The following UBXN2B variants were observed in gnomAD, a reference collection of about 807,000 sequenced individuals.
UBXN2B encodes UBX domain protein 2B, also known as UBX domain-containing protein 2B.
UBXN2B carries 19 observed loss-of-function variants against 37.5 expected under a neutral mutation model. That is an observed-to-expected ratio of 0.51 (90% confidence interval 0.35 to 0.74). The LOEUF is 0.74. UBXN2B is among the 30% of genes least tolerant of loss of function. The pLI is 0.01. For synonymous variants in UBXN2B, 145 were observed against 143.8 expected (o/e 1.01, Z -0.06); for missense variants, 370 against 393.2 (o/e 0.94, Z 0.50).
chr8:58,433,265 A>G, intron 4 of UBXN2B, 22 bp downstream of exon 4: 1 of 1,560,340 alleles, frequency 6.4e-7, no homozygotes, highest in Non-Finnish European at 8.8e-7. Flanking sequence ...AATCAAAATG[A>G]AAAAGTATAA....
intron 6 of UBXN2B, among the ~76,000 whole-genome samples, chr8:58,441,682 A>G (rs1159534219): frequency 1.3e-5 from 2 of 152,126 alleles, no homozygotes; most frequent in Non-Finnish European, 2.9e-5. Flanking sequence ...GAAAATAACG[A>G]TATTATCTGA....
intron 5 of UBXN2B, among the ~76,000 whole-genome samples, chr8:58,437,502 A>G (rs756637832): frequency 4.6e-5 from 7 of 151,188 alleles, no homozygotes; most frequent in Non-Finnish European, 1.0e-4. Context: ...TAATTTTTGT[A>G]TTTAGTAGAG....
rs111632899 is a variant in UBXN2B at position 58,420,971 on chromosome 8, C to A, written c.188+4018C>A. On this transcript the variant is annotated intron_variant, in intron 2 of 7. Transcript: ENST00000399598. The stretch of plus-strand genomic sequence containing the variant: ...TATATGTAAAACTTGATTCCCCCAA[C>A]AACATACAGAAAATAAAAACTGCAC... Among the ~76,000 whole-genome samples, 1,365 of 152,276 alleles carry A rather than the reference C, an allele frequency of 9.0e-3. 12 individuals carry two copies. The highest frequency in any genetic ancestry group is 0.012 in the Non-Finnish European group (807 of 68,004).
At chr8:58,446,778 C>CTTTT (rs1585622637) in intron 7 of UBXN2B, among the ~76,000 whole-genome samples, 6 of 14,968 alleles carry the variant, frequency 4.0e-4, no homozygotes, top group African/African-American at 5.3e-4. Flanking sequence ...GTACAACCTG[C>CTTTT]ATTTTTTTTT....
chr8:58,447,295 T>C, intron 7 of UBXN2B, 94 bp from the exon 8 acceptor site: 1 of 1,202,828 alleles, frequency 8.3e-7, no homozygotes, highest in Non-Finnish European at 1.1e-6. Flanking sequence ...TATATAAAGA[T>C]TAAAATTTTG....
At chr8:58,445,308 A>G (rs1191213034) in intron 6 of UBXN2B, among the ~76,000 whole-genome samples, 1 of 152,176 alleles carries the variant, frequency 6.6e-6, no homozygotes, top group Non-Finnish European at 1.5e-5. Flanking sequence ...TTATTCCTCA[A>G]TGGTACTTAG....
Position 58,448,516 on chromosome 8 carries a change from A to G in UBXN2B, c.*965A>G, listed in dbSNP as rs1169313003. 6.6e-6 allele frequency: 1 copy of G among 152,202 alleles called. No individual in the cohort carries two copies. The highest frequency in any genetic ancestry group is 6.5e-5 in the Admixed American group (1 of 15,270). 9.4% of individuals were successfully genotyped at this position (152,202 alleles called of 1,614,324 possible). Reference sequence around the variant, plus strand: ...TAAGAAGATATGGTAAACAGCAACAATATTTTAAAATCAAGTAATTACAGT... The same window carrying G: ...TAAGAAGATATGGTAAACAGCAACAGTATTTTAAAATCAAGTAATTACAGT... On this transcript the variant is annotated 3_prime_UTR_variant, in exon 8 of 8. Coordinates refer to ENST00000399598, the MANE Select transcript of UBXN2B (RefSeq NM_001077619.2).
At chr8:58,422,010 A>C (rs529592645) in intron 2 of UBXN2B, among the ~76,000 whole-genome samples, 43 of 152,268 alleles carry the variant, frequency 2.8e-4, no homozygotes, top group African/African-American at 1.0e-3. Flanking sequence ...TGTGCTGGTG[A>C]AAGACTTTAC....
intron 1 of UBXN2B, among the ~76,000 whole-genome samples, chr8:58,413,939 G>A (rs371020425): frequency 2.0e-5 from 3 of 152,050 alleles, no homozygotes; most frequent in Admixed American, 6.6e-5. Context: ...CCCTCAGCCC[G>A]CCACACACAT....
chr8:58,425,912 C>T (rs1351642553), intron 2 of UBXN2B: 13 of 1,226,764 alleles, frequency 1.1e-5, no homozygotes, highest in East Asian at 4.7e-5. Flanking sequence ...ATCACTGGTG[C>T]GCACAGAGAG....
chr8:58,435,042 A>G, intron 5 of UBXN2B: 5 of 1,465,048 alleles, frequency 3.4e-6, no homozygotes, highest in African/African-American at 2.8e-5. Context: ...TCTTCTTGCT[A>G]AAGGATGAGG....
chr8:58,437,955 C>CT (rs1401643441), intron 5 of UBXN2B, among the ~76,000 whole-genome samples: 1 of 151,396 alleles, frequency 6.6e-6, no homozygotes, highest in Non-Finnish European at 1.5e-5. Flanking sequence ...AGGCAGCCCC[C>CT]CCCCCAACCC....
rs1253485491 is a variant in UBXN2B at position 58,448,722 on chromosome 8, C to T, written c.*1171C>T. 1 of 152,502 alleles carries T rather than the reference C, an allele frequency of 6.6e-6. No homozygotes were observed. Among genetic ancestry groups the T allele is most frequent in the South Asian group, 2.1e-4 (1 of 4,818 alleles). 9.4% of individuals were successfully genotyped at this position (152,502 alleles called of 1,614,324 possible). On this transcript the variant is annotated 3_prime_UTR_variant, in exon 8 of 8. Transcript: ENST00000399598. ...CAGACGGACTAGATCTAAAGAATTA[C>T]CAGCATAAATGTTTGCATTTCTGCT...
At chr8:58,418,502 TA>T (rs1396997109) in intron 2 of UBXN2B, among the ~76,000 whole-genome samples, 1 of 152,224 alleles carries the variant, frequency 6.6e-6, no homozygotes, top group Middle Eastern at 3.2e-3. Flanking sequence ...AGATGTCTTA[TA>T]AAATGTCTAA....
intron 4 of UBXN2B, among the ~76,000 whole-genome samples, chr8:58,433,600 C>A (rs1366690324): frequency 6.8e-6 from 1 of 147,098 alleles, no homozygotes; most frequent in African/African-American, 2.5e-5. Context: ...CATAGCCAGA[C>A]CCTATCTCTT....
At chr8:58,428,197 A>G (rs933231692) in intron 2 of UBXN2B, among the ~76,000 whole-genome samples, 10 of 152,316 alleles carry the variant, frequency 6.6e-5, no homozygotes, top group Admixed American at 2.6e-4. Flanking sequence ...CACGGGAAAG[A>G]TGGGTACCAG....
Position 58,446,779 on chromosome 8 carries a change from A to ATTTTTTTTTTTTTTTTTTTTTTTTT in UBXN2B, c.834-598_834-574dup, listed in dbSNP as rs869090698. On this transcript the variant is annotated intron_variant, in intron 7 of 7. Transcript: ENST00000399598. ...ATACTCCGAAAAAAGTACAACCTGC[A>ATTTTTTTTTTTTTTTTTTTTTTTTT]TTTTTTTTTTTTTTTTTTTTTTTTT... Among the ~76,000 whole-genome samples, 40 of 17,402 alleles carry ATTTTTTTTTTTTTTTTTTTTTTTTT rather than the reference A, an allele frequency of 2.3e-3. 18 individuals carry two copies. The highest frequency in any genetic ancestry group is 4.0e-3 in the East Asian group (2 of 496). 11.4% of individuals were successfully genotyped at this position (17,402 alleles called of 152,430 possible). A position where few individuals can be genotyped will look rare whatever the true frequency, so the allele number is the denominator to read the frequency against.
chr8:58,430,014 T>TA (rs1399189449), intron 2 of UBXN2B, among the ~76,000 whole-genome samples: 17 of 152,118 alleles, frequency 1.1e-4, no homozygotes, highest in Admixed American at 7.2e-4. Context: ...TTTAAGGGAG[T>TA]AGGTCTCTTA....
chr8:58,428,813 G>A (rs1255445931), intron 2 of UBXN2B, among the ~76,000 whole-genome samples: 1 of 152,158 alleles, frequency 6.6e-6, no homozygotes, highest in Admixed American at 6.5e-5. Flanking sequence ...ACCAAAATAC[G>A]AGAACTCAAG....
Sources: gnomAD v4.1 joint callset for allele counts (sites outside exome capture counted in the v4.1 genomes callset) on GRCh38, gnomAD v4.1.1 for gene constraint, MANE v1.5 for transcripts, NCBI Gene and HGNC (gene_info 2026-07-23, HGNC 2026-07-21) for gene names.